The following ACADS variants were observed in gnomAD, a reference collection of about 807,000 sequenced individuals.
ACADS encodes the protein short-chain specific acyl-CoA dehydrogenase, mitochondrial.
Under a neutral mutation model 46.8 loss-of-function variants are expected in ACADS, and 28 were observed. The observed-to-expected ratio is 0.60, with a 90% confidence interval of 0.44 to 0.82. ACADS has a LOEUF of 0.82. Ranked by LOEUF, ACADS falls within the 40% of genes least tolerant of loss-of-function variation. The pLI is 0.00. For missense variants in ACADS, 528 were observed against 578.0 expected (o/e 0.91, Z 0.89); for synonymous variants, 236 against 237.7 (o/e 0.99, Z 0.07).
In ACADS at chr12:120,737,097, G is replaced by A. The variant is rs117356004; in HGVS notation, c.322G>A (p.Gly108Ser). 33 of 1,593,994 alleles carry A rather than the reference G, an allele frequency of 2.1e-5. No homozygotes were observed. In the East Asian group the frequency reaches 2.3e-4, roughly 11 times the overall value. ...CATCGCCATGGAGGAGATCAGCCGT[G>A]GCTGCGCCTCCACCGGAGTCATCAT... is the stretch of plus-strand genomic sequence containing the variant. Reference protein sequence around the residue: ...YAIAMEEISRGCASTGVIMSV... With the variant: ...YAIAMEEISRSCASTGVIMSV... The change falls in exon 3 of 10, where the codon GGC (glycine) becomes AGC (serine). Residue 108 changes from glycine (G) to serine (S), a missense_variant. Physicochemically the swap from Gly to Ser is moderately conservative, Grantham distance 56 (BLOSUM62 0). Coordinates refer to ENST00000242592, the MANE Select transcript of ACADS (RefSeq NM_000017.4).
intron 2 of ACADS, among the ~76,000 whole-genome samples, chr12:120,732,637 G>C (rs1483078384): frequency 6.6e-6 from 1 of 151,680 alleles, no homozygotes; most frequent in African/African-American, 2.4e-5. Context: ...CAGTGGGGCA[G>C]AGGCGCTCCC....
chr12:120,737,632 C>T (rs1883499575), intron 4 of ACADS, 165 bp downstream of exon 4: 2 of 1,048,130 alleles, frequency 1.9e-6, no homozygotes, highest in Non-Finnish European at 1.4e-6. Context: ...GGAAGATTGC[C>T]TTCGGGGTCC....
In ACADS at chr12:120,739,803, G is replaced by T; in HGVS notation, c.*355G>T. ...GCCCAGTGCGACAGGCCCTTGGTGG[G>T]GTCTGTCTTTTCCTTGAGGTCAGAG... is the stretch of plus-strand genomic sequence containing the variant. On this transcript the variant is annotated 3_prime_UTR_variant, in exon 10 of 10. Coordinates refer to ENST00000242592, the MANE Select transcript of ACADS (RefSeq NM_000017.4). 1 of 327,394 alleles carries T rather than the reference G, an allele frequency of 3.1e-6. No homozygotes were observed. The highest frequency in any genetic ancestry group is 6.7e-5 in the East Asian group (1 of 14,980). 20.3% of individuals were successfully genotyped at this position (327,394 alleles called of 1,614,324 possible).
In ACADS at chr12:120,725,940, G is replaced by T. The variant is rs769227276; in HGVS notation, c.46+9G>T. The stretch of plus-strand genomic sequence containing the variant: ...GGGCCCTGCCCGCAGAGGTGAGTGC[G>T]CTGGGGATCCGTACGGCGGGGCTTC... On this transcript the variant is annotated intron_variant, in intron 1 of 9. Transcript: ENST00000242592. The T allele has an allele frequency of 4.5e-6, 7 of 1,543,194 alleles. No individual in the cohort carries two copies. Among genetic ancestry groups the T allele is most frequent in the Non-Finnish European group, 5.2e-6 (6 of 1,154,450 alleles).
Position 120,737,993 on chromosome 12 carries a change from GCCCA to G in ACADS, c.624+10_624+13del. 6.2e-7 allele frequency: 1 copy of G among 1,613,552 alleles called. No homozygotes were observed. The highest frequency in any genetic ancestry group is 8.5e-7 in the Non-Finnish European group (1 of 1,180,020). ...GACAGAGCCCTGCAAAACAAGGTGG[GCCCA>G]CCCAGAGAGGGGTTCAGCCGGATCC... On this transcript the variant is annotated splice_donor_region_variant and intron_variant, in intron 5 of 9. Coordinates refer to ENST00000242592, the MANE Select transcript of ACADS (RefSeq NM_000017.4).
rs567626964 is a variant in ACADS at position 120,725,830 on chromosome 12, C to G, written c.-56C>G. ...TCCCGGGTCCCGCCCCCCAGCACTC[C>G]GGAACAGCGCGCTCGCAGCGGGAGG... On this transcript the variant is annotated 5_prime_UTR_variant, in exon 1 of 10. Coordinates refer to ENST00000242592, the MANE Select transcript of ACADS (RefSeq NM_000017.4). 7.2e-4 allele frequency: 1,087 copies of G among 1,518,430 alleles called. 12 individuals are homozygous for G. The South Asian group carries it at 7.5e-3, about 10-fold the overall frequency. The allele number at this position is 1,518,430 out of a possible 1,614,324, so 94.1% of individuals were successfully genotyped here. A position where few individuals can be genotyped will look rare whatever the true frequency, so the allele number is the denominator to read the frequency against.
At chr12:120,730,314 G>A (rs1385243856) in intron 2 of ACADS, among the ~76,000 whole-genome samples, 1 of 152,242 alleles carries the variant, frequency 6.6e-6, no homozygotes, top group African/African-American at 2.4e-5. Context: ...CTGATGGTGA[G>A]AAAGGAGGGA....
In ACADS at chr12:120,731,911, C is replaced by T. The variant is rs1469675170; in HGVS notation, c.210+4722C>T. On this transcript the variant is annotated intron_variant, in intron 2 of 9. Coordinates refer to ENST00000242592, the MANE Select transcript of ACADS (RefSeq NM_000017.4). ...TGCACCGCCCTTAATCCATTTAACCCTGAGTGGATACAGCACATGTTTCAG... is the reference window on the plus strand; with the variant it reads ...TGCACCGCCCTTAATCCATTTAACCTTGAGTGGATACAGCACATGTTTCAG... Among the ~76,000 whole-genome samples the T allele has an allele frequency of 4.6e-5, 7 of 152,152 alleles. No individual in the cohort carries two copies. The East Asian group carries it at 1.2e-3, about 25-fold the overall frequency.
At chr12:120,726,936 G>A in intron 1 of ACADS, 90 bp from the exon 2 acceptor site, 2 of 1,492,120 alleles carry the variant, frequency 1.3e-6, no homozygotes, top group Non-Finnish European at 1.9e-6. Flanking sequence ...CCCTTGGAGG[G>A]CAAAATCCTC....
chr12:120,738,523 G>C lies in ACADS; in HGVS notation c.796-10G>C, dbSNP rs757323019. 6.2e-7 allele frequency: 1 copy of C among 1,607,716 alleles called. No homozygotes were observed. The highest frequency in any genetic ancestry group is 1.3e-5 in the African/African-American group (1 of 74,942). ...GGCTGGCGGGCCACTGACCAGGGCG[G>C]TCCCCACAGCAAACCCTGGACATGG... is the stretch of plus-strand genomic sequence containing the variant. On this transcript the variant is annotated splice_polypyrimidine_tract_variant and intron_variant, in intron 6 of 9. Coordinates refer to ENST00000242592, the MANE Select transcript of ACADS (RefSeq NM_000017.4).
rs758898870 is a variant in ACADS, at chr12:120,738,266, G to A, written c.625-14G>A. 7 of 1,613,986 alleles carry A rather than the reference G, an allele frequency of 4.3e-6. No homozygotes were observed. The highest frequency in any genetic ancestry group is 5.9e-6 in the Non-Finnish European group (7 of 1,180,028). The stretch of plus-strand genomic sequence containing the variant: ...AGGGGCAGCTCTGAGAAAACCACCC[G>A]CCTCTCCTTTCAGGGCATCAGTGCC... On this transcript the variant is annotated splice_polypyrimidine_tract_variant and intron_variant, in intron 5 of 9. Transcript: ENST00000242592.
intron 2 of ACADS, among the ~76,000 whole-genome samples, chr12:120,731,445 TAATAA>T (rs1008887739): frequency 6.2e-5 from 9 of 144,264 alleles, no homozygotes; most frequent in Non-Finnish European, 8.9e-5. Context: ...AGGTGTTCCT[TAATAA>T]AATAGTTTTT....
chr12:120,737,783 C>G, intron 4 of ACADS, 54 bp from the exon 5 acceptor site: 1 of 1,610,548 alleles, frequency 6.2e-7, no homozygotes, highest in Non-Finnish European at 8.5e-7. Flanking sequence ...GAGGCTGGTG[C>G]CCTTAGGTTG....
chr12:120,727,201 A>G lies in ACADS; in HGVS notation c.210+12A>G. ...TCCCAGCGGCTCAGGTGAGAGTGCA[A>G]CCTCAGCAGCCCACGATAGTGGTCT... On this transcript the variant is annotated intron_variant, in intron 2 of 9. Transcript: ENST00000242592. 6.2e-7 allele frequency: 1 copy of G among 1,614,056 alleles called. No individual in the cohort carries two copies. The highest frequency in any genetic ancestry group is 8.5e-7 in the Non-Finnish European group (1 of 1,179,980).
chr12:120,735,791 C>T (rs1423913106), intron 2 of ACADS, among the ~76,000 whole-genome samples: 1 of 151,850 alleles, frequency 6.6e-6, no homozygotes, highest in African/African-American at 2.4e-5. Flanking sequence ...CTCAGCTACT[C>T]GGTAGGCTGA....
intron 7 of ACADS, 57 bp from the exon 8 acceptor site, chr12:120,738,763 C>G (rs1883547555): frequency 6.2e-7 from 1 of 1,611,802 alleles, no homozygotes; most frequent in Admixed American, 1.7e-5. Context: ...CTCCCCCTCC[C>G]TTCTGTCCCC....
chr12:120,737,892 A>C lies in ACADS; in HGVS notation c.528A>C (p.Ser176=), dbSNP rs756877560. The C allele has an allele frequency of 4.3e-6, 7 of 1,613,972 alleles. No individual in the cohort carries two copies. In the Admixed American group the frequency reaches 1.0e-4, roughly 23 times the overall value. ...CCACCGCCCGGGCCGAGGGCGACTC[A>C]TGGGTTCTGAATGGAACCAAAGCCT... The part of the protein sequence containing the change: ...ASTTARAEGD[S]WVLNGTKAWI... Residue 176 remains serine, a synonymous_variant, in exon 5 of 10, where the codon TCA becomes TCC. Coordinates refer to ENST00000242592, the MANE Select transcript of ACADS (RefSeq NM_000017.4).
At position 120,739,870 on chromosome 12, in the gene ACADS, C is replaced by A; in HGVS notation, c.*422C>A. 4.6e-6 allele frequency: 1 copy of A among 216,458 alleles called. No individual in the cohort carries two copies. The highest frequency in any genetic ancestry group is 9.4e-6 in the Non-Finnish European group (1 of 106,502). The allele number at this position is 216,458 out of a possible 1,614,324, so 13.4% of individuals were successfully genotyped here. A position where few individuals can be genotyped will look rare whatever the true frequency, so the allele number is the denominator to read the frequency against. ...GGGTCAGGATGACGAGGCCTGGGGTCCTGGTGTTGGGCAGGTGGTGGGGCT... is the reference window on the plus strand; with the variant it reads ...GGGTCAGGATGACGAGGCCTGGGGTACTGGTGTTGGGCAGGTGGTGGGGCT... On this transcript the variant is annotated 3_prime_UTR_variant, in exon 10 of 10. Transcript: ENST00000242592.
At chr12:120,737,199 T>C in intron 3 of ACADS, 64 bp downstream of exon 3, 3 of 1,547,790 alleles carry the variant, frequency 1.9e-6, no homozygotes, top group Non-Finnish European at 2.6e-6. Flanking sequence ...GCGGGCAGGC[T>C]CTGGCCTCGG....
Sources: allele counts gnomAD v4.1 joint callset (sites outside exome capture counted in the v4.1 genomes callset), GRCh38; gene constraint gnomAD v4.1.1; transcripts MANE v1.5; gene names NCBI Gene and HGNC (gene_info 2026-07-23, HGNC 2026-07-21).